Variants in AUTS2 observed in about 807,000 individuals in gnomAD.
The protein encoded by AUTS2 is autism susceptibility gene 2 protein.
Under a neutral mutation model 112.4 loss-of-function variants are expected in AUTS2, and 17 were observed. The ratio of observed to expected loss-of-function variants is 0.15; its 90% CI spans 0.10 to 0.23. The LOEUF is 0.23. AUTS2 is among the 10% of genes least tolerant of loss of function. The pLI is 1.00. For missense variants in AUTS2, 1,510 were observed against 1,701.6 expected (o/e 0.89, Z 1.98); for synonymous variants, 751 against 702.7 (o/e 1.07, Z -1.09).
intron 1 of AUTS2, among the ~76,000 whole-genome samples, chr7:69,691,588 C>T (rs1301448760): frequency 4.6e-5 from 7 of 151,940 alleles, no homozygotes; most frequent in East Asian, 1.9e-4. Context: ...GAGCAGGTGC[C>T]GGGAGTGGGG....
intron 5 of AUTS2, among the ~76,000 whole-genome samples, chr7:70,634,654 C>T (rs1289353644): frequency 6.6e-6 from 1 of 152,116 alleles, no homozygotes; most frequent in Non-Finnish European, 1.5e-5. Context: ...GGAGAAAGCA[C>T]GAGGCTAGGA....
intron 1 of AUTS2, among the ~76,000 whole-genome samples, chr7:69,686,387 A>G (rs1023428954): frequency 2.0e-5 from 3 of 152,194 alleles, no homozygotes; most frequent in African/African-American, 7.2e-5. Flanking sequence ...CCTAATATGA[A>G]CCAAAAAATA....
chr7:70,153,925 G>C (rs116031002), intron 4 of AUTS2, among the ~76,000 whole-genome samples: 2,980 of 152,280 alleles, frequency 0.02, 113 homozygotes, highest in African/African-American at 0.068. Context: ...TTTTATGTCA[G>C]AGCTCAAAAT....
intron 6 of AUTS2, among the ~76,000 whole-genome samples, chr7:70,718,439 G>T (rs1585564312): frequency 6.6e-6 from 1 of 152,214 alleles, no homozygotes; most frequent in African/African-American, 2.4e-5. Flanking sequence ...GGGGCGGGCG[G>T]ATCACTTGAG....
intron 1 of AUTS2, among the ~76,000 whole-genome samples, chr7:69,714,241 GTGTGTATA>G (rs1423905723): frequency 2.4e-4 from 16 of 67,558 alleles, no homozygotes; most frequent in South Asian, 6.1e-4. Flanking sequence ...TTGTGCATGT[GTGTGTATA>G]TGTGTGTGTG....
intron 1 of AUTS2, among the ~76,000 whole-genome samples, chr7:69,862,207 G>A (rs1793016999): frequency 6.6e-6 from 1 of 152,192 alleles, no homozygotes; most frequent in South Asian, 2.1e-4. Context: ...TAATAGTTGT[G>A]AATAGATAAT....
chr7:70,754,447 C>T (rs1452671133), intron 6 of AUTS2, among the ~76,000 whole-genome samples: 2 of 152,126 alleles, frequency 1.3e-5, no homozygotes, highest in Non-Finnish European at 2.9e-5. Context: ...TGTGATTGCA[C>T]CACTGCATCC....
rs573463372 is a variant in AUTS2 at position 70,564,444 on chromosome 7, G to A, written c.690+128663G>A. On this transcript the variant is annotated intron_variant, in intron 5 of 18. Coordinates refer to ENST00000342771, the MANE Select transcript of AUTS2 (RefSeq NM_015570.4). ...AGACTGTGGCCTGCCTATGGGCTGG[G>A]CAATTAGGTTTACTACTTAGATTAC... Among the ~76,000 whole-genome samples the A allele has an allele frequency of 5.3e-5, 8 of 152,264 alleles. No homozygotes were observed. The East Asian group carries it at 9.7e-4, about 18-fold the overall frequency.
chr7:70,536,400 T>C (rs1800318106), intron 5 of AUTS2, among the ~76,000 whole-genome samples: 1 of 152,024 alleles, frequency 6.6e-6, no homozygotes, highest in South Asian at 2.1e-4. Flanking sequence ...CTTCTTAACA[T>C]ATGGGAGCCC....
chr7:69,754,859 T>G (rs1787884651), intron 1 of AUTS2, among the ~76,000 whole-genome samples: 1 of 152,190 alleles, frequency 6.6e-6, no homozygotes, highest in Non-Finnish European at 1.5e-5. Context: ...GGACAGCTCC[T>G]AAATTGCAGG....
At chr7:70,224,641 G>A (rs1334613054) in intron 4 of AUTS2, among the ~76,000 whole-genome samples, 1 of 152,136 alleles carries the variant, frequency 6.6e-6, no homozygotes, top group Non-Finnish European at 1.5e-5. Flanking sequence ...AACATCTACA[G>A]TAGTATACAA....
At chr7:70,295,016 G>C (rs1302549278) in intron 4 of AUTS2, among the ~76,000 whole-genome samples, 1 of 152,198 alleles carries the variant, frequency 6.6e-6, no homozygotes, top group Non-Finnish European at 1.5e-5. Context: ...GTGTAAAAGA[G>C]AACAGTCCTA....
At chr7:69,774,049 G>A (rs553273380) in intron 1 of AUTS2, among the ~76,000 whole-genome samples, 19 of 152,304 alleles carry the variant, frequency 1.2e-4, no homozygotes, top group Admixed American at 1.2e-3. Flanking sequence ...TGATGATAGC[G>A]CCCTGGAGGA....
chr7:69,925,753 C>T (rs562174670), intron 2 of AUTS2, among the ~76,000 whole-genome samples: 1 of 152,344 alleles, frequency 6.6e-6, no homozygotes, highest in Admixed American at 6.5e-5. Context: ...TCCTTGCTCT[C>T]AAGCAGTTTT....
At chr7:69,966,437 T>G (rs1032429005) in intron 2 of AUTS2, among the ~76,000 whole-genome samples, 1 of 152,220 alleles carries the variant, frequency 6.6e-6, no homozygotes, top group Non-Finnish European at 1.5e-5. Context: ...CAGACCTTTT[T>G]GGACCACTTT....
chr7:70,742,630 C>T (rs996543830), intron 6 of AUTS2, among the ~76,000 whole-genome samples: 4 of 152,030 alleles, frequency 2.6e-5, no homozygotes, highest in Admixed American at 6.6e-5. Flanking sequence ...GGCGTGGTGG[C>T]GCGTGCCTGT....
intron 1 of AUTS2, among the ~76,000 whole-genome samples, chr7:69,606,388 GA>G (rs1792716516): frequency 6.6e-6 from 1 of 152,184 alleles, no homozygotes; most frequent in Non-Finnish European, 1.5e-5. Context: ...GAAGCCTTTG[GA>G]CGAGAAGGTC....
At chr7:69,922,468 CTT>C (rs1298363918) in intron 2 of AUTS2, among the ~76,000 whole-genome samples, 1 of 152,214 alleles carries the variant, frequency 6.6e-6, no homozygotes, top group Non-Finnish European at 1.5e-5. Context: ...TTTCTTAGCA[CTT>C]TTACTGTATA....
chr7:70,189,244 G>C (rs1809759775), intron 4 of AUTS2, among the ~76,000 whole-genome samples: 1 of 152,164 alleles, frequency 6.6e-6, no homozygotes, highest in Non-Finnish European at 1.5e-5. Flanking sequence ...TTATGGCCAA[G>C]ACTTGATAAA....
Sources: gnomAD v4.1 joint callset for allele counts (sites outside exome capture counted in the v4.1 genomes callset) on GRCh38, gnomAD v4.1.1 for gene constraint, MANE v1.5 for transcripts, NCBI Gene and HGNC (gene_info 2026-07-23, HGNC 2026-07-21) for gene names.